CYP7A1: variants seen among roughly 807,000 people sequenced by gnomAD.
CYP7A1 encodes the protein cytochrome P450 7A1.
In CYP7A1, 28 loss-of-function variants were observed where a neutral mutation model predicts 43.8. The observed-to-expected ratio is 0.64, with a 90% CI of 0.47 to 0.88. The LOEUF is 0.88. Among genes scored for constraint, CYP7A1 ranks in the 40% least tolerant of loss-of-function variants. The pLI is 0.00. For synonymous variants in CYP7A1, 227 were observed against 222.5 expected (o/e 1.02, Z -0.18); for missense variants, 637 against 611.9 (o/e 1.04, Z -0.43).
intron 2 of CYP7A1, 35 bp downstream of exon 2, chr8:58,498,194 C>G: frequency 6.2e-7 from 1 of 1,611,404 alleles, no homozygotes; most frequent in South Asian, 1.1e-5. Context: ...AGGTAGAAGA[C>G]AAACAGAATG....
chr8:58,497,234 C>G (rs372921624), intron 2 of CYP7A1, 44 bp from the exon 3 acceptor site: 1 of 1,483,004 alleles, frequency 6.7e-7, no homozygotes, highest in Non-Finnish European at 9.3e-7. Flanking sequence ...TAAACCTGAC[C>G]TAGTCATAGT....
rs143198855 is a variant in CYP7A1 at position 58,498,347 on chromosome 8, G to A, written c.203C>T (p.Thr68Ile). The A allele has an allele frequency of 1.9e-6, 3 of 1,614,000 alleles. No homozygotes were observed. Among genetic ancestry groups the A allele is most frequent in the Non-Finnish European group, 2.5e-6 (3 of 1,180,030 alleles). Reference protein sequence around the residue: ...ANQRKHGHVFTCKLMGKYVHF... With the variant: ...ANQRKHGHVFICKLMGKYVHF... Reference sequence around the variant, plus strand: ...GACATATTTTCCCATTAGTTTGCAGGTAAAAACATGACCATGTTTCCTTTG... The same window carrying A: ...GACATATTTTCCCATTAGTTTGCAGATAAAAACATGACCATGTTTCCTTTG... The change falls in exon 2 of 6, where the codon ACC becomes ATC. Residue 68 changes from threonine to isoleucine, a missense_variant. Physicochemically the swap from Thr to Ile is moderately conservative, Grantham distance 89. Coordinates refer to ENST00000301645, the MANE Select transcript of CYP7A1 (RefSeq NM_000780.4).
intron 1 of CYP7A1, 95 bp downstream of exon 1, chr8:58,499,923 TG>T: frequency 1.2e-6 from 1 of 865,980 alleles, no homozygotes; most frequent in South Asian, 1.4e-5. Context: ...TGCTAATATG[TG>T]TAAGTATAGA....
rs1193244468 is a variant in CYP7A1, at chr8:58,491,565, T to C, written c.1425A>G (p.Lys475=). Residue 475 remains lysine, a synonymous_variant, in exon 6 of 6, where the codon AAA becomes AAG. Coordinates refer to ENST00000301645, the MANE Select transcript of CYP7A1 (RefSeq NM_000780.4). ...CCCGGGACTGGTCCAAAGGTGGACATTTAGCTTGGCCCTCTATAAGCTCCA... is the reference window on the plus strand; with the variant it reads ...CCCGGGACTGGTCCAAAGGTGGACACTTAGCTTGGCCCTCTATAAGCTCCA... ...FELELIEGQA[K]CPPLDQSRAG... The C allele has an allele frequency of 2.5e-6, 4 of 1,614,214 alleles. No individual in the cohort carries two copies. Among genetic ancestry groups the C allele is most frequent in the East Asian group, 4.5e-5 (2 of 44,888 alleles).
chr8:58,499,472 CA>C (rs1809497318), intron 1 of CYP7A1, among the ~76,000 whole-genome samples: 1 of 152,212 alleles, frequency 6.6e-6, no homozygotes, highest in Non-Finnish European at 1.5e-5. Context: ...ATACACTCAG[CA>C]AACTTTCCCA....
chr8:58,495,172 T>C (rs903690511), intron 3 of CYP7A1, among the ~76,000 whole-genome samples: 1 of 148,748 alleles, frequency 6.7e-6, no homozygotes, highest in African/African-American at 2.5e-5. Flanking sequence ...AAATGGGACT[T>C]TGCTACATAA....
In CYP7A1 at chr8:58,491,666, T is replaced by C. The variant is rs878898857; in HGVS notation, c.1324A>G (p.Thr442Ala). 5 of 1,614,188 alleles carry C rather than the reference T, an allele frequency of 3.1e-6. No homozygotes were observed. The highest frequency in any genetic ancestry group is 4.2e-6 in the Non-Finnish European group (5 of 1,180,026). The change falls in exon 6 of 6, where the codon ACA (threonine) becomes GCA (alanine). Residue 442 changes from threonine (T) to alanine (A), a missense_variant. By Grantham distance (58) the Thr-to-Ala change is moderately conservative. Coordinates refer to ENST00000301645, the MANE Select transcript of CYP7A1 (RefSeq NM_000780.4). ...GCGAACAATCTTCCAGGACATATTG[T>C]AGCTCCCGATCCAAAGGGCATGTAG... ...YYYMPFGSGATICPGRLFAIH... is the reference protein window; with the variant it reads ...YYYMPFGSGAAICPGRLFAIH...
Position 58,491,316 on chromosome 8 carries a change from C to G in CYP7A1, c.*159G>C. Reference sequence around the variant, plus strand: ...CTGTGATAGCATCTGGAAACTGTCACCAAAATGTTAAGATTCACAAGCAAG... The same window carrying G: ...CTGTGATAGCATCTGGAAACTGTCAGCAAAATGTTAAGATTCACAAGCAAG... On this transcript the variant is annotated 3_prime_UTR_variant, in exon 6 of 6. Transcript: ENST00000301645. 1 of 703,814 alleles carries G rather than the reference C, an allele frequency of 1.4e-6. No individual in the cohort carries two copies. The highest frequency in any genetic ancestry group is 1.7e-5 in the South Asian group (1 of 57,152). The allele number at this position is 703,814 out of a possible 1,614,324, so 43.6% of individuals were successfully genotyped here.
intron 2 of CYP7A1, among the ~76,000 whole-genome samples, chr8:58,497,587 G>A (rs1258927647): frequency 6.6e-6 from 1 of 152,140 alleles, no homozygotes; most frequent in African/African-American, 2.4e-5. Context: ...CACAATGATA[G>A]CTCACTGCAG....
chr8:58,493,954 C>T (rs1379066671), intron 4 of CYP7A1, among the ~76,000 whole-genome samples: 4 of 151,908 alleles, frequency 2.6e-5, no homozygotes, highest in South Asian at 2.1e-4. Context: ...AAGCCAAGAT[C>T]GCGCCATTGC....
chr8:58,491,689 T>C lies in CYP7A1; in HGVS notation c.1301A>G (p.Tyr434Cys), dbSNP rs777464708. Reference sequence around the variant, plus strand: ...TGTAGCTCCCGATCCAAAGGGCATGTAGTAATACTTTAACTTGAGTCCATT... The same window carrying C: ...TGTAGCTCCCGATCCAAAGGGCATGCAGTAATACTTTAACTTGAGTCCATT... ...YCNGLKLKYY[Y>C]MPFGSGATIC... The change falls in exon 6 of 6, where the codon TAC (tyrosine) becomes TGC (cysteine). Residue 434 changes from tyrosine (Y) to cysteine (C), a missense_variant. Tyr to Cys is a radical substitution (Grantham distance 194). Coordinates refer to ENST00000301645, the MANE Select transcript of CYP7A1 (RefSeq NM_000780.4). 5 of 1,613,820 alleles carry C rather than the reference T, an allele frequency of 3.1e-6. No individual in the cohort carries two copies. The South Asian group carries it at 5.5e-5, about 18-fold the overall frequency.
chr8:58,494,658 C>T (rs1029041719), intron 3 of CYP7A1, 22 bp from the exon 4 acceptor site: 3 of 1,611,582 alleles, frequency 1.9e-6, no homozygotes, highest in East Asian at 4.5e-5. Context: ...TAAGAGAAAA[C>T]ATGTATGTAC....
At chr8:58,492,291 C>T in intron 5 of CYP7A1, 62 bp downstream of exon 5, 1 of 1,268,510 alleles carries the variant, frequency 7.9e-7, no homozygotes, top group Non-Finnish European at 1.2e-6. Flanking sequence ...TGTAAATTTC[C>T]TCTTTATTTA....
Position 58,491,670 on chromosome 8 carries a change from TC to T in CYP7A1, c.1319del (p.Gly440GlufsTer19). ...ACAATCTTCCAGGACATATTGTAGC[TC>T]CCGATCCAAAGGGCATGTAGTAATA... ...LKYYYMPFGS[G>X]ATICPGRLFA... On this transcript the variant is annotated frameshift_variant, in exon 6 of 6. Coordinates refer to ENST00000301645, the MANE Select transcript of CYP7A1 (RefSeq NM_000780.4). LOFTEE classifies it high-confidence loss of function. 9 of 1,614,054 alleles carry T rather than the reference TC, an allele frequency of 5.6e-6. No individual in the cohort carries two copies. Among genetic ancestry groups the T allele is most frequent in the Middle Eastern group, 1.6e-4 (1 of 6,062 alleles).
At position 58,498,384 on chromosome 8, in the gene CYP7A1, G is replaced by C; in HGVS notation, c.166C>G (p.Leu56Val). The change falls in exon 2 of 6, where the codon CTC becomes GTC. Residue 56 changes from leucine (L) to valine (V), a missense_variant. Coordinates refer to ENST00000301645, the MANE Select transcript of CYP7A1 (RefSeq NM_000780.4). ...LQFGANPLEF[L>V]RANQRKHGHV... The stretch of plus-strand genomic sequence containing the variant: ...CCATGTTTCCTTTGATTTGCTCTGA[G>C]GAACTCAAGAGGATTGGCACCAAAT... 6.2e-7 allele frequency: 1 copy of C among 1,614,112 alleles called. No homozygotes were observed. Among genetic ancestry groups the C allele is most frequent in the African/African-American group, 1.3e-5 (1 of 75,024 alleles).
At chr8:58,495,290 A>G (rs1809422105) in intron 3 of CYP7A1, among the ~76,000 whole-genome samples, 1 of 145,974 alleles carries the variant, frequency 6.9e-6, no homozygotes, top group African/African-American at 2.6e-5. Flanking sequence ...CAGGGGCGCA[A>G]TCTTGGCTCA....
At position 58,498,448 on chromosome 8, in the gene CYP7A1, T is replaced by C. The variant is rs1809482535; in HGVS notation, c.102A>G (p.Leu34=). 3 of 1,613,770 alleles carry C rather than the reference T, an allele frequency of 1.9e-6. No homozygotes were observed. The South Asian group carries it at 3.3e-5, about 18-fold the overall frequency. ...IRRRQTGEPP[L]ENGLIPYLGC... ...CCAGGTATGGAATTAATCCATTCTC[T>C]AGAGGTGGTTCACCCGTTTGCCTGT... Residue 34 remains leucine (L), a synonymous_variant, in exon 2 of 6, where the codon CTA becomes CTG. Transcript: ENST00000301645.
Position 58,494,588 on chromosome 8 carries a change from TA to T in CYP7A1, c.956del (p.Leu319Ter). On this transcript the variant is annotated frameshift_variant, in exon 4 of 6. Coordinates refer to ENST00000301645, the MANE Select transcript of CYP7A1 (RefSeq NM_000780.4). LOFTEE classifies it high-confidence loss of function. ...KAATEEVKRT[L>X]ENAGQKVSLE... ...AGCTGACTTTTTGACCAGCATTCTC[TA>T]ATGTTCTTTTCACTTCTTCAGTAGC... 6.2e-7 allele frequency: 1 copy of T among 1,614,128 alleles called. No individual in the cohort carries two copies. The highest frequency in any genetic ancestry group is 8.5e-7 in the Non-Finnish European group (1 of 1,179,986).
At chr8:58,498,911 A>G (rs1474263907) in intron 1 of CYP7A1, among the ~76,000 whole-genome samples, 5 of 152,220 alleles carry the variant, frequency 3.3e-5, no homozygotes, top group African/African-American at 1.2e-4. Flanking sequence ...AGATCACTGA[A>G]TAAGGGAGGA....
Sources: allele counts gnomAD v4.1 joint callset (sites outside exome capture counted in the v4.1 genomes callset), GRCh38; gene constraint gnomAD v4.1.1; transcripts MANE v1.5; gene names NCBI Gene and HGNC (gene_info 2026-07-23, HGNC 2026-07-21).